ANO2: variants seen among roughly 807,000 people sequenced by gnomAD.
ANO2 encodes the protein anoctamin-2.
Under a neutral mutation model 124.2 loss-of-function variants are expected in ANO2, and 101 were observed. The ratio of observed to expected loss-of-function variants is 0.81; its 90% CI spans 0.69 to 0.96. ANO2 has a LOEUF of 0.96. Among genes scored for constraint, ANO2 ranks in the 40% least tolerant of loss-of-function variants. The pLI is 0.00. For synonymous variants in ANO2, 486 were observed against 482.5 expected (o/e 1.01, Z -0.09); for missense variants, 1,293 against 1,274.5 (o/e 1.01, Z -0.22).
intron 10 of ANO2, among the ~76,000 whole-genome samples, chr12:5,751,579 G>T (rs1209906962): frequency 1.3e-5 from 2 of 152,178 alleles, no homozygotes; most frequent in African/African-American, 4.8e-5. Flanking sequence ...AGCTGTACGT[G>T]TTGAACATAT....
intron 10 of ANO2, among the ~76,000 whole-genome samples, chr12:5,791,098 TCC>T: frequency 6.6e-6 from 1 of 151,596 alleles, no homozygotes; most frequent in Non-Finnish European, 1.5e-5. Flanking sequence ...CTCTACAAGC[TCC>T]CCCACCCAAC....
intron 14 of ANO2, among the ~76,000 whole-genome samples, chr12:5,717,198 CA>C (rs367776662): frequency 3.9e-5 from 6 of 152,286 alleles, no homozygotes; most frequent in African/African-American, 1.4e-4. Context: ...TGCAGAAGCC[CA>C]GCACAGAGCA....
At chr12:5,566,713 G>A (rs994203981) in intron 23 of ANO2, among the ~76,000 whole-genome samples, 3 of 152,200 alleles carry the variant, frequency 2.0e-5, no homozygotes, top group Non-Finnish European at 2.9e-5. Flanking sequence ...CCTCAGGCAG[G>A]CATTGTTACC....
At chr12:5,739,781 C>A in intron 12 of ANO2, 2 of 430,416 alleles carry the variant, frequency 4.6e-6, no homozygotes, top group South Asian at 3.4e-5. Flanking sequence ...TTCTTTCCTC[C>A]TTCACCTTCA....
At chr12:5,814,629 GC>G (rs1384453179) in intron 7 of ANO2, among the ~76,000 whole-genome samples, 1 of 152,176 alleles carries the variant, frequency 6.6e-6, no homozygotes, top group African/African-American at 2.4e-5. Flanking sequence ...TAGAAAGTAA[GC>G]CCCTTAAGGG....
In ANO2 at chr12:5,563,770, G is replaced by C. The variant is rs1941587575; in HGVS notation, c.2728-202C>G. The stretch of plus-strand genomic sequence containing the variant: ...ACTGCCTACCCTGGAGTGGTTGTCA[G>C]GATGAAACGGGTTCATACATGTGGA... On this transcript the variant is annotated intron_variant, in intron 24 of 24. Transcript: ENST00000682330. 1.3e-5 allele frequency among the ~76,000 whole-genome samples: 2 copies of C among 152,210 alleles called. 1 individual carries two copies. The highest frequency in any genetic ancestry group is 4.1e-4 in the South Asian group (2 of 4,832).
At chr12:5,849,206 C>A (rs1954788496) in intron 4 of ANO2, among the ~76,000 whole-genome samples, 2 of 152,218 alleles carry the variant, frequency 1.3e-5, no homozygotes, top group African/African-American at 2.4e-5. Flanking sequence ...AGGGATTTTT[C>A]ACCCATCCCA....
chr12:5,691,525 T>C (rs568625361), intron 14 of ANO2, among the ~76,000 whole-genome samples: 8 of 151,990 alleles, frequency 5.3e-5, no homozygotes, highest in East Asian at 1.9e-4. Flanking sequence ...AAAGCCATCA[T>C]TGAGTAAGAG....
chr12:5,679,705 C>A (rs1254523221), intron 14 of ANO2, among the ~76,000 whole-genome samples: 1 of 152,160 alleles, frequency 6.6e-6, no homozygotes, highest in Non-Finnish European at 1.5e-5. Flanking sequence ...TAAATTACTT[C>A]AGCCGTTGTG....
At chr12:5,653,874 C>T (rs529984110) in intron 14 of ANO2, among the ~76,000 whole-genome samples, 11 of 151,908 alleles carry the variant, frequency 7.2e-5, no homozygotes, top group Non-Finnish European at 1.5e-4. Context: ...TAGAGTTTCC[C>T]GGGATGAAAA....
chr12:5,863,992 G>T (rs1242115926), intron 3 of ANO2, among the ~76,000 whole-genome samples: 3 of 152,118 alleles, frequency 2.0e-5, no homozygotes, highest in Non-Finnish European at 4.4e-5. Context: ...GTCTACAAAA[G>T]GATTTTTTAA....
At chr12:5,610,822 A>ACG (rs1289381629) in intron 19 of ANO2, among the ~76,000 whole-genome samples, 1 of 91,324 alleles carries the variant, frequency 1.1e-5, no homozygotes, top group Admixed American at 1.3e-4. Flanking sequence ...TTGTCCATAC[A>ACG]CACACACACA....
chr12:5,592,235 G>T (rs1307943988), intron 20 of ANO2, among the ~76,000 whole-genome samples: 1 of 152,154 alleles, frequency 6.6e-6, no homozygotes, highest in African/African-American at 2.4e-5. Flanking sequence ...GTGTTATCAG[G>T]TTCTAGTACC....
intron 10 of ANO2, among the ~76,000 whole-genome samples, chr12:5,793,918 A>G (rs1191103009): frequency 6.6e-6 from 1 of 152,130 alleles, no homozygotes; most frequent in African/African-American, 2.4e-5. Flanking sequence ...GGAGAGTGGC[A>G]CTCCATGGAG....
intron 4 of ANO2, among the ~76,000 whole-genome samples, chr12:5,851,484 G>A (rs949454269): frequency 2.0e-5 from 3 of 151,952 alleles, no homozygotes; most frequent in Non-Finnish European, 2.9e-5. Flanking sequence ...TCAGAAATTC[G>A]AGACCAGCTG....
chr12:5,800,908 G>A (rs545669271), intron 9 of ANO2, among the ~76,000 whole-genome samples: 2 of 152,308 alleles, frequency 1.3e-5, no homozygotes, highest in Admixed American at 6.5e-5. Context: ...TATAGAAGAT[G>A]CCTGAGGTCT....
intron 16 of ANO2, among the ~76,000 whole-genome samples, chr12:5,633,187 G>A (rs191378385): frequency 6.6e-6 from 1 of 152,312 alleles, no homozygotes; most frequent in Non-Finnish European, 1.5e-5. Flanking sequence ...GTCTAGAAGA[G>A]GACGCTGGCA....
intron 4 of ANO2, among the ~76,000 whole-genome samples, chr12:5,835,169 G>T (rs1168409318): frequency 6.6e-6 from 1 of 152,110 alleles, no homozygotes; most frequent in African/African-American, 2.4e-5. Context: ...GATATTCTAG[G>T]CAAACAAAAA....
intron 10 of ANO2, among the ~76,000 whole-genome samples, chr12:5,784,186 T>C (rs969022457): frequency 1.3e-5 from 2 of 152,054 alleles, no homozygotes; most frequent in Non-Finnish European, 2.9e-5. Flanking sequence ...TCCCCCTCTC[T>C]ATACCCAACT....
Sources: allele counts gnomAD v4.1 joint callset (sites outside exome capture counted in the v4.1 genomes callset), GRCh38; gene constraint gnomAD v4.1.1; transcripts MANE v1.5; gene names NCBI Gene and HGNC (gene_info 2026-07-23, HGNC 2026-07-21).